Variants in AUTS2 observed in about 807,000 individuals in gnomAD.
AUTS2 encodes activator of transcription and developmental regulator AUTS2.
AUTS2 carries 17 observed loss-of-function variants against 112.4 expected under a neutral mutation model. That is an observed-to-expected ratio of 0.15 (90% CI 0.10 to 0.23). The LOEUF (loss-of-function observed/expected upper bound fraction) is 0.23. AUTS2 is among the 10% of genes least tolerant of loss of function. The pLI, the probability that AUTS2 is intolerant of heterozygous loss-of-function variation, is 1.00. For synonymous variants in AUTS2, 751 were observed against 702.7 expected (o/e 1.07, Z -1.09); for missense variants, 1,510 against 1,701.6 (o/e 0.89, Z 1.98).
chr7:70,550,650 G>T (rs751194116), intron 5 of AUTS2, among the ~76,000 whole-genome samples: 8 of 152,162 alleles, frequency 5.3e-5, no homozygotes, highest in Non-Finnish European at 1.0e-4. Context: ...AACTAGGGAG[G>T]AGGCTACACT....
intron 2 of AUTS2, among the ~76,000 whole-genome samples, chr7:69,982,851 A>T (rs752509517): frequency 6.6e-6 from 1 of 152,246 alleles, no homozygotes; most frequent in African/African-American, 2.4e-5. Context: ...GCTTCATTGC[A>T]GTGACTGCCA....
chr7:70,659,673 A>C (rs75564961), intron 5 of AUTS2, among the ~76,000 whole-genome samples: 2 of 152,136 alleles, frequency 1.3e-5, no homozygotes, highest in Non-Finnish European at 2.9e-5. Flanking sequence ...TGGCTGGGAA[A>C]AAAAGAGATC....
chr7:70,106,961 C>T (rs1269919356), intron 2 of AUTS2, among the ~76,000 whole-genome samples: 1 of 151,510 alleles, frequency 6.6e-6, no homozygotes, highest in Non-Finnish European at 1.5e-5. Context: ...TTAAATGCTT[C>T]ATATTATCCA....
At chr7:70,241,883 G>A (rs1366269284) in intron 4 of AUTS2, among the ~76,000 whole-genome samples, 1 of 152,152 alleles carries the variant, frequency 6.6e-6, no homozygotes, top group Non-Finnish European at 1.5e-5. Context: ...ACTTTGAGAG[G>A]CCTGAGTTGC....
At chr7:70,386,553 C>CT (rs1402380168) in intron 4 of AUTS2, among the ~76,000 whole-genome samples, 2 of 152,186 alleles carry the variant, frequency 1.3e-5, no homozygotes, top group African/African-American at 4.8e-5. Context: ...CACTAATCTA[C>CT]TATCTCTGTG....
chr7:70,359,494 C>T (rs1443400582), intron 4 of AUTS2, among the ~76,000 whole-genome samples: 1 of 152,134 alleles, frequency 6.6e-6, no homozygotes, highest in Non-Finnish European at 1.5e-5. Context: ...TGCTTGGCTT[C>T]TGGTGAGGGC....
intron 4 of AUTS2, among the ~76,000 whole-genome samples, chr7:70,159,492 A>G (rs1807961683): frequency 6.6e-6 from 1 of 152,234 alleles, no homozygotes; most frequent in South Asian, 2.1e-4. Context: ...GTGTTTTGAT[A>G]TTTAATTCAG....
intron 5 of AUTS2, among the ~76,000 whole-genome samples, chr7:70,644,645 TTG>T (rs1306580251): frequency 6.6e-6 from 1 of 152,076 alleles, no homozygotes; most frequent in East Asian, 1.9e-4. Flanking sequence ...AATGCCCTTC[TTG>T]TGTGTTTGCC....
intron 1 of AUTS2, among the ~76,000 whole-genome samples, chr7:69,696,115 C>G (rs1161180385): frequency 6.6e-6 from 1 of 152,120 alleles, no homozygotes; most frequent in Non-Finnish European, 1.5e-5. Flanking sequence ...TTTCTTTTTG[C>G]GATTTCTCCA....
At chr7:70,020,976 ACTTTT>A (rs1196479681) in intron 2 of AUTS2, among the ~76,000 whole-genome samples, 17 of 149,898 alleles carry the variant, frequency 1.1e-4, no homozygotes, top group African/African-American at 2.9e-4. Flanking sequence ...CAGCCTAGAA[ACTTTT>A]CTTTTCTTTT....
chr7:70,244,555 A>G (rs748536124), intron 4 of AUTS2, among the ~76,000 whole-genome samples: 9 of 152,220 alleles, frequency 5.9e-5, no homozygotes, highest in Admixed American at 1.3e-4. Flanking sequence ...ATCATGCTCT[A>G]GAGTTTCTCA....
intron 1 of AUTS2, among the ~76,000 whole-genome samples, chr7:69,716,918 G>A (rs1392282359): frequency 6.6e-6 from 1 of 152,190 alleles, no homozygotes; most frequent in Admixed American, 6.6e-5. Context: ...CGTAGGGCAA[G>A]ATAGGAGAGA....
chr7:70,258,727 A>G (rs1787010996), intron 4 of AUTS2, among the ~76,000 whole-genome samples: 1 of 152,218 alleles, frequency 6.6e-6, no homozygotes, highest in Admixed American at 6.5e-5. Flanking sequence ...CTAGTCAAGC[A>G]TGTGACAACA....
chr7:69,922,126 G>T (rs1392203639), intron 2 of AUTS2, among the ~76,000 whole-genome samples: 2 of 152,204 alleles, frequency 1.3e-5, no homozygotes, highest in African/African-American at 2.4e-5. Context: ...TATTTGAGCT[G>T]CACTCAGTAG....
chr7:69,614,709 C>G (rs192992719), intron 1 of AUTS2, among the ~76,000 whole-genome samples: 1 of 152,192 alleles, frequency 6.6e-6, no homozygotes, highest in Non-Finnish European at 1.5e-5. Flanking sequence ...ATCTAGAACT[C>G]CTGGTCTCAA....
intron 1 of AUTS2, among the ~76,000 whole-genome samples, chr7:69,669,774 G>T (rs1180422942): frequency 6.6e-6 from 1 of 151,680 alleles, no homozygotes; most frequent in African/African-American, 2.4e-5. Flanking sequence ...GTCATTTGTT[G>T]TAAGAAGGAT....
At chr7:70,481,835 C>G (rs539371945) in intron 5 of AUTS2, among the ~76,000 whole-genome samples, 1 of 152,136 alleles carries the variant, frequency 6.6e-6, no homozygotes, top group Non-Finnish European at 1.5e-5. Flanking sequence ...TCTGAAAAAT[C>G]ATTAAAGCTT....
chr7:70,290,486 T>A, intron 4 of AUTS2: 1 of 1,541,060 alleles, frequency 6.5e-7, no homozygotes, highest in Non-Finnish European at 8.7e-7. Context: ...TTTTCTCTCG[T>A]CAAATTGCTT....
At chr7:70,379,369 G>A (rs1412834739) in intron 4 of AUTS2, among the ~76,000 whole-genome samples, 1 of 152,050 alleles carries the variant, frequency 6.6e-6, no homozygotes, top group African/African-American at 2.4e-5. Flanking sequence ...GGGCGTGGTG[G>A]TGTGCACCTG....
Sources: allele counts gnomAD v4.1 joint callset (sites outside exome capture counted in the v4.1 genomes callset), GRCh38; gene constraint gnomAD v4.1.1; transcripts MANE v1.5; gene names NCBI Gene and HGNC (gene_info 2026-07-23, HGNC 2026-07-21).